Variants in MITF observed in about 807,000 individuals in gnomAD.
MITF encodes the protein melanocyte inducing transcription factor.
Under a neutral mutation model 60.5 loss-of-function variants are expected in MITF, and 17 were observed. That is an observed-to-expected ratio of 0.28 (90% CI 0.19 to 0.42). MITF has a LOEUF of 0.42. Among genes scored for constraint, MITF ranks in the 10% least tolerant of loss-of-function variants. The probability of loss-of-function intolerance (pLI) is 1.00; values close to 1 mark genes in which losing one functional copy is unlikely to be tolerated. For synonymous variants in MITF, 260 were observed against 248.5 expected (o/e 1.05, Z -0.43); for missense variants, 622 against 683.5 (o/e 0.91, Z 1.00).
At chr3:69,863,533 G>A (rs903479060) in intron 1 of MITF, among the ~76,000 whole-genome samples, 13 of 152,282 alleles carry the variant, frequency 8.5e-5, no homozygotes, top group Admixed American at 8.5e-4. Flanking sequence ...CTTCGGGAAG[G>A]GCTGGAATTG....
At chr3:69,756,742 C>T (rs1004796436) in intron 1 of MITF, among the ~76,000 whole-genome samples, 7 of 152,124 alleles carry the variant, frequency 4.6e-5, no homozygotes, top group Non-Finnish European at 1.0e-4. Flanking sequence ...CTAACTTGTA[C>T]GCCTACCAAC....
intron 1 of MITF, among the ~76,000 whole-genome samples, chr3:69,850,439 G>A (rs540033340): frequency 9.2e-5 from 14 of 152,268 alleles, no homozygotes; most frequent in South Asian, 4.2e-4. Flanking sequence ...ATAAGGTAAT[G>A]CATATAAAAT....
At chr3:69,796,005 G>A (rs376006472) in intron 1 of MITF, among the ~76,000 whole-genome samples, 1 of 151,954 alleles carries the variant, frequency 6.6e-6, no homozygotes. Flanking sequence ...TTTTTGAGAC[G>A]GAGTTGCGCT....
intron 2 of MITF, among the ~76,000 whole-genome samples, chr3:69,930,157 C>T (rs1404631338): frequency 1.3e-5 from 2 of 152,164 alleles, no homozygotes; most frequent in East Asian, 3.9e-4. Flanking sequence ...GGTGCCGTCT[C>T]GTAGGCCAGT....
At chr3:69,892,109 T>C (rs1246231768) in intron 2 of MITF, among the ~76,000 whole-genome samples, 1 of 152,218 alleles carries the variant, frequency 6.6e-6, no homozygotes, top group Non-Finnish European at 1.5e-5. Context: ...TAAATGTAGA[T>C]GCTGCTATGA....
At position 69,967,858 on chromosome 3, in the gene MITF, G is replaced by A. The variant is rs544836610; in HGVS notation, c.*2610G>A. The A allele has an allele frequency of 8.6e-6, 2 of 233,308 alleles. No homozygotes were observed. The highest frequency in any genetic ancestry group is 2.2e-5 in the African/African-American group (1 of 45,448). 14.5% of individuals were successfully genotyped at this position (233,308 alleles called of 1,614,324 possible). ...CCCGGGTGCAGAATTGTAACTCGGG[G>A]TTGGGCCTCTATATGGAGTGACCAA... is the stretch of plus-strand genomic sequence containing the variant. On this transcript the variant is annotated 3_prime_UTR_variant, in exon 10 of 10. Transcript: ENST00000352241.
At chr3:69,843,285 A>G (rs1292390921) in intron 1 of MITF, among the ~76,000 whole-genome samples, 1 of 152,190 alleles carries the variant, frequency 6.6e-6, no homozygotes, top group Non-Finnish European at 1.5e-5. Context: ...TCAATATTGA[A>G]AGAAGGCGTG....
intron 2 of MITF, among the ~76,000 whole-genome samples, chr3:69,920,576 C>T (rs1403494654): frequency 1.3e-5 from 2 of 152,132 alleles, no homozygotes; most frequent in African/African-American, 2.4e-5. Flanking sequence ...TTCTCTCTGT[C>T]TCCTCTCCCT....
At chr3:69,818,921 A>G (rs62251034) in intron 1 of MITF, among the ~76,000 whole-genome samples, 51,394 of 152,056 alleles carry the variant, frequency 0.34, 9,717 homozygotes, top group Non-Finnish European at 0.43. Context: ...TAAAATTTTT[A>G]TTACTAATAC....
intron 1 of MITF, among the ~76,000 whole-genome samples, chr3:69,845,693 T>C (rs1266444419): frequency 6.6e-6 from 1 of 152,172 alleles, no homozygotes; most frequent in Non-Finnish European, 1.5e-5. Flanking sequence ...ACCTCCCCCA[T>C]TGCCTCCATG....
chr3:69,838,944 C>G (rs1425209920), intron 1 of MITF, among the ~76,000 whole-genome samples: 1 of 152,142 alleles, frequency 6.6e-6, no homozygotes, highest in Non-Finnish European at 1.5e-5. Context: ...CTTCATGAAC[C>G]TTTCTTTTCA....
chr3:69,818,631 G>A (rs1050869234), intron 1 of MITF, among the ~76,000 whole-genome samples: 7 of 152,104 alleles, frequency 4.6e-5, no homozygotes, highest in East Asian at 1.9e-4. Context: ...TATAATATAA[G>A]CACTAAATAA....
chr3:69,801,573 G>A (rs1052635102), intron 1 of MITF, among the ~76,000 whole-genome samples: 8 of 152,168 alleles, frequency 5.3e-5, no homozygotes, highest in Non-Finnish European at 1.2e-4. Context: ...CATATACCAG[G>A]CAGCAGGAAG....
chr3:69,844,390 A>C (rs1168128561), intron 1 of MITF, among the ~76,000 whole-genome samples: 1 of 152,200 alleles, frequency 6.6e-6, no homozygotes, highest in African/African-American at 2.4e-5. Context: ...CTATTTAATA[A>C]ATGGTTTTGG....
intron 1 of MITF, among the ~76,000 whole-genome samples, chr3:69,844,704 A>T (rs1276627662): frequency 6.6e-6 from 1 of 152,232 alleles, no homozygotes; most frequent in African/African-American, 2.4e-5. Flanking sequence ...AATGGGAGAA[A>T]ATTTTTGCAA....
chr3:69,755,371 A>G (rs1704097826), intron 1 of MITF, among the ~76,000 whole-genome samples: 1 of 147,500 alleles, frequency 6.8e-6, no homozygotes, highest in South Asian at 2.1e-4. Flanking sequence ...TCTTTATCCA[A>G]TATAAGCCAT....
intron 5 of MITF, among the ~76,000 whole-genome samples, chr3:69,945,520 CAGA>C (rs950624421): frequency 3.3e-5 from 5 of 152,168 alleles, no homozygotes; most frequent in Non-Finnish European, 5.9e-5. Context: ...TTTTCTAATG[CAGA>C]AGAACCAACT....
chr3:69,920,229 G>A (rs191634240), intron 2 of MITF, among the ~76,000 whole-genome samples: 2 of 152,296 alleles, frequency 1.3e-5, no homozygotes, highest in East Asian at 1.9e-4. Flanking sequence ...GAAGATGCCC[G>A]TTGCCAGGCG....
At chr3:69,916,997 G>A (rs1214360131) in intron 2 of MITF, among the ~76,000 whole-genome samples, 2 of 152,158 alleles carry the variant, frequency 1.3e-5, no homozygotes. Flanking sequence ...TTTGACATAT[G>A]TTTAGTGCAT....
Sources: gnomAD v4.1 joint callset for allele counts (sites outside exome capture counted in the v4.1 genomes callset) on GRCh38, gnomAD v4.1.1 for gene constraint, MANE v1.5 for transcripts, NCBI Gene and HGNC (gene_info 2026-07-23, HGNC 2026-07-21) for gene names.